CDKAL1: variants seen among roughly 807,000 people sequenced by gnomAD.
CDKAL1 encodes the protein threonylcarbamoyladenosine tRNA methylthiotransferase.
Under a neutral mutation model 68.2 loss-of-function variants are expected in CDKAL1, and 32 were observed. That is an observed-to-expected ratio of 0.47 (90% CI 0.35 to 0.63). The LOEUF is 0.63. Ranked by LOEUF, CDKAL1 falls within the 30% of genes least tolerant of loss-of-function variation. The probability of loss-of-function intolerance (pLI) is 0.00; values close to 1 mark genes in which losing one functional copy is unlikely to be tolerated. For missense variants in CDKAL1, 606 were observed against 696.7 expected (o/e 0.87, Z 1.47); for synonymous variants, 234 against 244.3 (o/e 0.96, Z 0.39).
intron 5 of CDKAL1, among the ~76,000 whole-genome samples, chr6:20,700,848 A>G (rs990305814): frequency 1.4e-4 from 21 of 151,270 alleles, no homozygotes; most frequent in African/African-American, 4.6e-4. Context: ...TCAACACCAA[A>G]TGGTATACAG....
chr6:20,777,691 G>A (rs1313846612), intron 7 of CDKAL1, among the ~76,000 whole-genome samples: 2 of 152,118 alleles, frequency 1.3e-5, no homozygotes, highest in African/African-American at 4.8e-5. Flanking sequence ...AGCTTTACAT[G>A]AGTCTCCCCT....
intron 7 of CDKAL1, among the ~76,000 whole-genome samples, chr6:20,780,099 TAA>T (rs745598145): frequency 0.012 from 1,064 of 89,132 alleles, 9 homozygotes; most frequent in African/African-American, 0.04. Flanking sequence ...AACCTAACCT[TAA>T]AAAAAAAAAA....
At chr6:21,124,428 G>C (rs542963082) in intron 13 of CDKAL1, among the ~76,000 whole-genome samples, 1 of 152,060 alleles carries the variant, frequency 6.6e-6, no homozygotes, top group South Asian at 2.1e-4. Flanking sequence ...CAGACTCGGG[G>C]GCATTTCCTT....
At chr6:20,609,262 T>TTCTTCCTCCTCCTTCTCC (rs777734746) in intron 4 of CDKAL1, among the ~76,000 whole-genome samples, 22 of 24,848 alleles carry the variant, frequency 8.9e-4, no homozygotes, top group African/African-American at 2.4e-3. Context: ...TCCTCCTTCC[T>TTCTTCCTCCTCCTTCTCC]TCCTCCTCCT....
At chr6:20,706,333 ATC>A (rs888363780) in intron 5 of CDKAL1, among the ~76,000 whole-genome samples, 4 of 152,008 alleles carry the variant, frequency 2.6e-5, no homozygotes, top group African/African-American at 9.7e-5. Flanking sequence ...GGAAGAAAAA[ATC>A]TCTCAGTCTA....
intron 5 of CDKAL1, among the ~76,000 whole-genome samples, chr6:20,736,829 G>A (rs1773218324): frequency 6.6e-6 from 1 of 151,856 alleles, no homozygotes; most frequent in Non-Finnish European, 1.5e-5. Flanking sequence ...TTTGCCTAGG[G>A]TATTAAATTA....
At chr6:20,576,708 G>C (rs947637765) in intron 4 of CDKAL1, among the ~76,000 whole-genome samples, 1 of 152,082 alleles carries the variant, frequency 6.6e-6, no homozygotes, top group Non-Finnish European at 1.5e-5. Flanking sequence ...CCTTATCATA[G>C]AACCTACCTA....
chr6:21,160,532 G>A (rs1429533758), intron 13 of CDKAL1, among the ~76,000 whole-genome samples: 1 of 149,938 alleles, frequency 6.7e-6, no homozygotes, highest in Non-Finnish European at 1.5e-5. Context: ...TTCTGACTTC[G>A]TGATCTACCC....
At chr6:21,176,682 GT>G (rs777506511) in intron 13 of CDKAL1, among the ~76,000 whole-genome samples, 154 of 119,860 alleles carry the variant, frequency 1.3e-3, no homozygotes, top group African/African-American at 4.5e-3. Context: ...CTGGATGTTG[GT>G]TTTTTTTTTT....
chr6:21,137,814 C>G (rs958392576), intron 13 of CDKAL1, among the ~76,000 whole-genome samples: 3 of 152,130 alleles, frequency 2.0e-5, no homozygotes, highest in African/African-American at 7.2e-5. Context: ...AACTTATAAG[C>G]CATGGTGTCC....
intron 4 of CDKAL1, among the ~76,000 whole-genome samples, chr6:20,595,521 T>TC (rs1227626835): frequency 6.6e-6 from 1 of 152,098 alleles, no homozygotes; most frequent in African/African-American, 2.4e-5. Context: ...TTCAGCTCCA[T>TC]CAGGTCATTT....
chr6:20,727,726 A>G (rs560091111), intron 5 of CDKAL1, among the ~76,000 whole-genome samples: 1 of 152,204 alleles, frequency 6.6e-6, no homozygotes, highest in South Asian at 2.1e-4. Context: ...TTTTTCTTAA[A>G]TGCTTTCAGC....
chr6:20,619,950 C>A (rs2069014), intron 4 of CDKAL1, among the ~76,000 whole-genome samples: 10 of 152,160 alleles, frequency 6.6e-5, no homozygotes, highest in Non-Finnish European at 1.2e-4. Context: ...TTGTGGAAAG[C>A]TAACTCACAC....
At chr6:20,823,081 G>C (rs1297145049) in intron 8 of CDKAL1, among the ~76,000 whole-genome samples, 1 of 151,988 alleles carries the variant, frequency 6.6e-6, no homozygotes, top group Non-Finnish European at 1.5e-5. Flanking sequence ...CTCTCTCTCT[G>C]TCTCTCTCAC....
At chr6:20,830,048 G>T (rs1205598324) in intron 8 of CDKAL1, among the ~76,000 whole-genome samples, 1 of 152,104 alleles carries the variant, frequency 6.6e-6, no homozygotes, top group African/African-American at 2.4e-5. Context: ...TAGAGACGGG[G>T]TTTCACCATG....
intron 13 of CDKAL1, among the ~76,000 whole-genome samples, chr6:21,122,353 T>C (rs1407134652): frequency 6.6e-6 from 1 of 152,210 alleles, no homozygotes. Context: ...TGTTTTGTTT[T>C]TTAATGGAAC....
chr6:20,678,226 G>T (rs1770211419), intron 5 of CDKAL1, among the ~76,000 whole-genome samples: 1 of 152,048 alleles, frequency 6.6e-6, no homozygotes, highest in African/African-American at 2.4e-5. Flanking sequence ...TGGTGCATAG[G>T]TATCTATAGA....
intron 9 of CDKAL1, among the ~76,000 whole-genome samples, chr6:20,874,743 TC>T (rs1395181364): frequency 6.6e-6 from 1 of 151,918 alleles, no homozygotes; most frequent in East Asian, 2.0e-4. Context: ...CATCAAGTGA[TC>T]CGCCTACCTT....
chr6:20,743,693 A>G (rs1010713531), intron 6 of CDKAL1, among the ~76,000 whole-genome samples: 5 of 152,142 alleles, frequency 3.3e-5, no homozygotes, highest in African/African-American at 1.2e-4. Flanking sequence ...TATTTGTGTG[A>G]TGGTGCATGG....
Sources: gnomAD v4.1 joint callset for allele counts (sites outside exome capture counted in the v4.1 genomes callset) on GRCh38, gnomAD v4.1.1 for gene constraint, MANE v1.5 for transcripts, NCBI Gene and HGNC (gene_info 2026-07-23, HGNC 2026-07-21) for gene names.